The following KLHL32 variants were observed in gnomAD, a reference collection of about 807,000 sequenced individuals.
KLHL32 encodes kelch-like protein 32.
A neutral mutation model predicts 64.8 loss-of-function variants in KLHL32; 35 were observed. That is an observed-to-expected ratio of 0.54 (90% CI 0.41 to 0.72). The LOEUF is 0.72. Ranked by LOEUF, KLHL32 falls within the 30% of genes least tolerant of loss-of-function variation. The probability of loss-of-function intolerance (pLI) is 0.00; values close to 1 mark genes in which losing one functional copy is unlikely to be tolerated. For missense variants in KLHL32, 589 were observed against 768.5 expected, an observed-to-expected ratio of 0.77 and a Z score of 2.76; for synonymous variants, 259 against 281.0, an observed-to-expected ratio of 0.92 and a Z score of 0.78.
chr6:97,066,795 G>A, intron 5 of KLHL32, among the ~76,000 whole-genome samples: 1 of 152,018 alleles, frequency 6.6e-6, no homozygotes, highest in East Asian at 1.9e-4. Context: ...AGTCTCCATA[G>A]CTATATCTAT....
chr6:96,976,396 G>A (rs950632389), intron 3 of KLHL32, among the ~76,000 whole-genome samples: 3 of 152,002 alleles, frequency 2.0e-5, no homozygotes, highest in Non-Finnish European at 4.4e-5. Flanking sequence ...GACCTCCCTT[G>A]GCATCTGAGC....
intron 6 of KLHL32, among the ~76,000 whole-genome samples, chr6:97,097,358 G>A (rs1795126583): frequency 1.3e-5 from 2 of 152,176 alleles, no homozygotes; most frequent in Non-Finnish European, 2.9e-5. Context: ...ATAATGAAAG[G>A]TTGATTATGA....
intron 1 of KLHL32, among the ~76,000 whole-genome samples, chr6:96,950,746 C>G (rs1040074199): frequency 3.9e-5 from 6 of 152,166 alleles, no homozygotes; most frequent in African/African-American, 9.7e-5. Context: ...GTTCGTCACA[C>G]CAATTAACAT....
At chr6:97,048,858 G>A (rs1419016995) in intron 4 of KLHL32, among the ~76,000 whole-genome samples, 1 of 152,174 alleles carries the variant, frequency 6.6e-6, no homozygotes, top group Non-Finnish European at 1.5e-5. Context: ...GTAGCACATG[G>A]AGCAAACATG....
chr6:97,070,869 G>A (rs917740641), intron 5 of KLHL32, among the ~76,000 whole-genome samples: 1 of 151,970 alleles, frequency 6.6e-6, no homozygotes, highest in Non-Finnish European at 1.5e-5. Flanking sequence ...AATTGGTGGG[G>A]GGTGTGTAAA....
intron 3 of KLHL32, among the ~76,000 whole-genome samples, chr6:97,010,930 C>G (rs1780328018): frequency 6.6e-6 from 1 of 152,148 alleles, no homozygotes; most frequent in African/African-American, 2.4e-5. Flanking sequence ...GATTGTCCAG[C>G]AGAGGAAAGC....
upstream of KLHL32, among the ~76,000 whole-genome samples, chr6:96,920,872 C>G (rs1768732561): frequency 6.6e-6 from 1 of 151,980 alleles, no homozygotes; most frequent in African/African-American, 2.4e-5. Context: ...AGTCTTTGAA[C>G]TTTTGTTTGA....
chr6:96,914,145 G>A, the KLHL32 span, among the ~76,000 whole-genome samples: 1 of 152,166 alleles, frequency 6.6e-6, no homozygotes, highest in Admixed American at 6.5e-5. Context: ...GAAGCTGGCA[G>A]AGAGGCACAG....
chr6:96,993,043 G>A (rs1778061900), intron 3 of KLHL32, among the ~76,000 whole-genome samples: 2 of 152,192 alleles, frequency 1.3e-5, no homozygotes, highest in East Asian at 1.9e-4. Flanking sequence ...GGAGCAGTTG[G>A]CACTTAACTG....
At chr6:97,135,754 C>T (rs1799937846) in intron 10 of KLHL32, among the ~76,000 whole-genome samples, 1 of 152,108 alleles carries the variant, frequency 6.6e-6, no homozygotes, top group Non-Finnish European at 1.5e-5. Flanking sequence ...GCTATATTAC[C>T]ATTCATTCTG....
At chr6:97,003,593 T>C (rs1168831547) in intron 3 of KLHL32, among the ~76,000 whole-genome samples, 1 of 152,234 alleles carries the variant, frequency 6.6e-6, no homozygotes, top group Non-Finnish European at 1.5e-5. Flanking sequence ...TGGTATTTCC[T>C]AGATTATCTT....
chr6:97,098,312 A>G (rs1319387397), intron 6 of KLHL32, among the ~76,000 whole-genome samples: 2 of 152,160 alleles, frequency 1.3e-5, no homozygotes, highest in African/African-American at 2.4e-5. Context: ...GTCTCATCAT[A>G]TATTAGGCAC....
intron 4 of KLHL32, among the ~76,000 whole-genome samples, chr6:97,050,927 C>T (rs1436378102): frequency 2.0e-5 from 3 of 152,134 alleles, no homozygotes; most frequent in Admixed American, 6.5e-5. Flanking sequence ...CGCTTGAACT[C>T]GGGAAGTGGA....
chr6:97,053,385 TA>T (rs1554226298), intron 4 of KLHL32, among the ~76,000 whole-genome samples: 3 of 152,170 alleles, frequency 2.0e-5, no homozygotes, highest in Non-Finnish European at 4.4e-5. Context: ...GCTTGCTCCA[TA>T]AATAAATCAT....
intron 4 of KLHL32, among the ~76,000 whole-genome samples, chr6:97,047,388 C>T (rs561776277): frequency 6.6e-6 from 1 of 152,282 alleles, no homozygotes; most frequent in Non-Finnish European, 1.5e-5. Context: ...ATTATTACAG[C>T]AGAACCAATG....
intron 2 of KLHL32, among the ~76,000 whole-genome samples, chr6:96,972,823 A>T (rs1775257980): frequency 6.6e-6 from 1 of 152,154 alleles, no homozygotes; most frequent in African/African-American, 2.4e-5. Flanking sequence ...TTTAATTTAG[A>T]CATAGTGCAT....
chr6:97,095,959 G>A (rs1203259119), intron 6 of KLHL32, among the ~76,000 whole-genome samples: 2 of 152,044 alleles, frequency 1.3e-5, no homozygotes, highest in Non-Finnish European at 2.9e-5. Flanking sequence ...TAGGTAGAAC[G>A]ACATGAATTT....
At chr6:97,127,258 T>G in intron 7 of KLHL32, 146 bp from the exon 8 acceptor site, 1 of 640,114 alleles carries the variant, frequency 1.6e-6, no homozygotes, top group Non-Finnish European at 2.7e-6. Flanking sequence ...ACAATAAGCT[T>G]CTTAATTATG....
At chr6:97,115,413 G>A (rs1250144215) in intron 7 of KLHL32, among the ~76,000 whole-genome samples, 9 of 152,098 alleles carry the variant, frequency 5.9e-5, no homozygotes, top group Admixed American at 1.3e-4. Flanking sequence ...TTTACTGATG[G>A]TACAGTTTGA....
Sources: allele counts gnomAD v4.1 joint callset (sites outside exome capture counted in the v4.1 genomes callset), GRCh38; gene constraint gnomAD v4.1.1; transcripts MANE v1.5; gene names NCBI Gene and HGNC (gene_info 2026-07-23, HGNC 2026-07-21).